UGT1A9: variants seen among roughly 807,000 people sequenced by gnomAD.
The protein encoded by UGT1A9 is UDP glucuronosyltransferase family 1 member A9, also known as UDP-glucuronosyltransferase 1A9.
A neutral mutation model predicts 45.0 loss-of-function variants in UGT1A9; 35 were observed. The ratio of observed to expected loss-of-function variants is 0.78; its 90% CI spans 0.59 to 1.03. UGT1A9 has a LOEUF of 1.03. Among genes scored for constraint, UGT1A9 ranks in the 50% least tolerant of loss-of-function variants. UGT1A9 has a pLI of 0.00. For missense variants in UGT1A9, 687 were observed against 666.6 expected (o/e 1.03, Z -0.34); for synonymous variants, 278 against 250.6 (o/e 1.11, Z -1.03).
intron 1 of UGT1A9, among the ~76,000 whole-genome samples, chr2:233,724,483 C>A (rs1180664629): frequency 6.5e-4 from 44 of 68,188 alleles, no homozygotes; most frequent in South Asian, 1.6e-3. Flanking sequence ...ACTTCTCAGA[C>A]GGGGCGGCCG....
intron 1 of UGT1A9, among the ~76,000 whole-genome samples, chr2:233,765,663 C>T (rs1698902511): frequency 6.6e-6 from 1 of 151,426 alleles, no homozygotes; most frequent in South Asian, 2.1e-4. Flanking sequence ...CAGCAAACCA[C>T]CATGGCATAT....
chr2:233,678,832 C>A (rs1281802583), intron 1 of UGT1A9, among the ~76,000 whole-genome samples: 1 of 152,290 alleles, frequency 6.6e-6, no homozygotes, highest in East Asian at 1.9e-4. Context: ...TTTTGAAATA[C>A]CTTATCCCCA....
At chr2:233,743,149 A>G in intron 1 of UGT1A9, 1 of 356,554 alleles carries the variant, frequency 2.8e-6, no homozygotes, top group South Asian at 2.1e-5. Flanking sequence ...AAAGTCCGCT[A>G]TTCCTCCAGA....
chr2:233,748,156 T>G, intron 1 of UGT1A9: 1 of 1,601,882 alleles, frequency 6.2e-7, no homozygotes, highest in Non-Finnish European at 8.5e-7. Flanking sequence ...TACAATTGCT[T>G]CCATATCTAC....
Position 233,772,431 on chromosome 2 carries a change from A to T in UGT1A9, c.1465A>T (p.Ile489Phe). ...GTACCAGTACCATTCCTTGGACGTG[A>T]TTGGTTTCCTCTTGGCCGTCGTGCT... ...TWYQYHSLDV[I>F]GFLLAVVLTV... The change falls in exon 5 of 5, where the codon ATT becomes TTT. Residue 489 changes from isoleucine to phenylalanine, a missense_variant. Ile to Phe is a conservative substitution (Grantham distance 21, BLOSUM62 0). Coordinates refer to ENST00000354728, the MANE Select transcript of UGT1A9 (RefSeq NM_021027.3). 1 of 1,614,128 alleles carries T rather than the reference A, an allele frequency of 6.2e-7. No individual in the cohort carries two copies. Among genetic ancestry groups the T allele is most frequent in the Non-Finnish European group, 8.5e-7 (1 of 1,180,030 alleles).
chr2:233,715,087 T>C (rs2076431912), intron 1 of UGT1A9, among the ~76,000 whole-genome samples: 1 of 152,132 alleles, frequency 6.6e-6, no homozygotes, highest in Non-Finnish European at 1.5e-5. Context: ...AGTTTCATCA[T>C]ATTGGCCAGG....
Position 233,683,988 on chromosome 2 carries a change from C to T in UGT1A9, c.855+11199C>T, listed in dbSNP as rs28898568. Reference sequence around the variant, plus strand: ...TTTGGTCACTTGCAATTGAAAAAGTCGTGACAAATACAAGAGTAAGATTCT... The same window carrying T: ...TTTGGTCACTTGCAATTGAAAAAGTTGTGACAAATACAAGAGTAAGATTCT... On this transcript the variant is annotated intron_variant, in intron 1 of 4. Coordinates refer to ENST00000354728, the MANE Select transcript of UGT1A9 (RefSeq NM_021027.3). 7.1e-3 allele frequency among the ~76,000 whole-genome samples: 1,081 copies of T among 152,236 alleles called. 36 individuals are homozygous for T. In the East Asian group the frequency reaches 0.13, roughly 18 times the overall value.
chr2:233,767,766 CT>C, intron 2 of UGT1A9, 82 bp from the exon 3 acceptor site: 1 of 1,609,200 alleles, frequency 6.2e-7, no homozygotes, highest in South Asian at 1.1e-5. Flanking sequence ...CAGAGGACCC[CT>C]GTTTTCTAGT....
At position 233,693,761 on chromosome 2, in the gene UGT1A9, T is replaced by C; in HGVS notation, c.855+20972T>C. 1.2e-6 allele frequency: 2 copies of C among 1,614,250 alleles called. No homozygotes were observed. The highest frequency in any genetic ancestry group is 1.7e-6 in the Non-Finnish European group (2 of 1,180,042). On this transcript the variant is annotated intron_variant, in intron 1 of 4. Transcript: ENST00000354728. Reference sequence around the variant, plus strand: ...CACCTTATATCAGAAGGTCTCTGTTTGGCTGTTAAGATATGACTTTGTGCT... The same window carrying C: ...CACCTTATATCAGAAGGTCTCTGTTCGGCTGTTAAGATATGACTTTGTGCT...
intron 1 of UGT1A9, chr2:233,713,463 G>A (rs762349371): frequency 3.5e-5 from 56 of 1,613,940 alleles, no homozygotes; most frequent in Admixed American, 3.0e-4. Context: ...TCACCTCTGC[G>A]CGGCGGTGCT....
Position 233,772,347 on chromosome 2 carries a change from T to A in UGT1A9, c.1381T>A (p.Phe461Ile), listed in dbSNP as rs1700509286. 9.9e-6 allele frequency: 16 copies of A among 1,614,210 alleles called. No individual in the cohort carries two copies. The highest frequency in any genetic ancestry group is 1.4e-5 in the Non-Finnish European group (16 of 1,180,042). ...GGACCTGGCCGTGTTCTGGGTGGAG[T>A]TTGTGATGAGGCACAAGGGCGCGCC... is the stretch of plus-strand genomic sequence containing the variant. ...PLDLAVFWVE[F>I]VMRHKGAPHL... The change falls in exon 5 of 5, where the codon TTT becomes ATT. Residue 461 changes from phenylalanine (F) to isoleucine (I), a missense_variant. Coordinates refer to ENST00000354728, the MANE Select transcript of UGT1A9 (RefSeq NM_021027.3).
rs2074235897 is a variant in UGT1A9 at position 233,672,666 on chromosome 2, C to A, written c.732C>A (p.Leu244=). 6.2e-7 allele frequency: 1 copy of A among 1,613,828 alleles called. No homozygotes were observed. The highest frequency in any genetic ancestry group is 1.7e-5 in the Admixed American group (1 of 59,986). Reference sequence around the variant, plus strand: ...AAACACCTGTTACGGAGTATGATCTCTACAGCCACACATCAATTTGGTTGT... The same window carrying A: ...AAACACCTGTTACGGAGTATGATCTATACAGCCACACATCAATTTGGTTGT... ...ILQTPVTEYD[L]YSHTSIWLLR... Residue 244 remains leucine, a synonymous_variant, in exon 1 of 5, where the codon CTC becomes CTA. Coordinates refer to ENST00000354728, the MANE Select transcript of UGT1A9 (RefSeq NM_021027.3).
intron 1 of UGT1A9, among the ~76,000 whole-genome samples, chr2:233,714,805 A>G (rs1160418646): frequency 6.6e-6 from 1 of 152,250 alleles, no homozygotes; most frequent in Non-Finnish European, 1.5e-5. Flanking sequence ...CTCAATATTC[A>G]TATGTAGTTA....
At chr2:233,753,951 A>G (rs1466645267) in intron 1 of UGT1A9, among the ~76,000 whole-genome samples, 1 of 152,178 alleles carries the variant, frequency 6.6e-6, no homozygotes, top group Non-Finnish European at 1.5e-5. Flanking sequence ...ATGACCTCCA[A>G]AATATTAAGA....
At chr2:233,682,476 G>A in intron 1 of UGT1A9, 1 of 1,613,894 alleles carries the variant, frequency 6.2e-7, no homozygotes, top group Non-Finnish European at 8.5e-7. Flanking sequence ...CTTGAAGAAG[G>A]TGCACAGTGC....
chr2:233,750,944 CAG>C (rs1694596562), intron 1 of UGT1A9, among the ~76,000 whole-genome samples: 3 of 152,000 alleles, frequency 2.0e-5, no homozygotes, highest in Middle Eastern at 3.4e-3. Flanking sequence ...AGCCCCCACA[CAG>C]AGTCTCCACT....
chr2:233,743,204 C>G (rs187896113), intron 1 of UGT1A9: 8 of 388,962 alleles, frequency 2.1e-5, no homozygotes, highest in East Asian at 7.2e-5. Context: ...GGTGTCAATG[C>G]GGAGTAACTG....
chr2:233,684,461 T>A (rs2074680771), intron 1 of UGT1A9, among the ~76,000 whole-genome samples: 2 of 152,162 alleles, frequency 1.3e-5, no homozygotes, highest in South Asian at 4.1e-4. Flanking sequence ...TCTGAACCCA[T>A]GCTGAGTTTG....
intron 1 of UGT1A9, among the ~76,000 whole-genome samples, chr2:233,726,446 C>T (rs1475095997): frequency 6.6e-6 from 1 of 152,204 alleles, no homozygotes; most frequent in African/African-American, 2.4e-5. Context: ...ATTCTTTCCA[C>T]TGAATGTAAG....
Sources: gnomAD v4.1 joint callset for allele counts (sites outside exome capture counted in the v4.1 genomes callset) on GRCh38, gnomAD v4.1.1 for gene constraint, MANE v1.5 for transcripts, NCBI Gene and HGNC (gene_info 2026-07-23, HGNC 2026-07-21) for gene names.